POGLUT3: variants seen among roughly 807,000 people sequenced by gnomAD.
POGLUT3 encodes the protein KDEL (Lys-Asp-Glu-Leu) containing 2.
In POGLUT3, 48 loss-of-function variants were observed where a neutral mutation model predicts 54.3. The ratio of observed to expected loss-of-function variants is 0.88; its 90% CI spans 0.70 to 1.12. POGLUT3 has a LOEUF of 1.12. Ranked by LOEUF, POGLUT3 falls within the 50% of genes most tolerant of loss-of-function variation. POGLUT3 has a pLI of 0.00. For synonymous variants in POGLUT3, 218 were observed against 237.4 expected (o/e 0.92, Z 0.75); for missense variants, 629 against 618.7 (o/e 1.02, Z -0.18).
chr11:108,475,464 T>TTG (rs2093579655), intron 7 of POGLUT3, among the ~76,000 whole-genome samples: 1 of 48,548 alleles, frequency 2.1e-5, no homozygotes, highest in Non-Finnish European at 4.4e-5. Flanking sequence ...GTTTTTTTTG[T>TTG]TTTTGTTTTT....
chr11:108,491,674 C>A (rs2093613662), intron 1 of POGLUT3, among the ~76,000 whole-genome samples: 1 of 152,130 alleles, frequency 6.6e-6, no homozygotes, highest in African/African-American at 2.4e-5. Flanking sequence ...CAGGCTTGAG[C>A]CACAGAGCTT....
intron 2 of POGLUT3, 70 bp downstream of exon 2, chr11:108,490,900 G>A (rs2093611854): frequency 8.4e-7 from 1 of 1,189,924 alleles, no homozygotes; most frequent in African/African-American, 1.5e-5. Flanking sequence ...AGGTCATCAG[G>A]TTTAGGCCAT....
rs755418472 is a variant in POGLUT3 at position 108,479,479 on chromosome 11, T to C, written c.1115A>G (p.Asn372Ser). The C allele has an allele frequency of 1.3e-6, 2 of 1,593,762 alleles. No homozygotes were observed. The highest frequency in any genetic ancestry group is 3.8e-5 in the Admixed American group (2 of 52,368). ...FDFFKYKYQV[N>S]VDGTVAAYRY... ...GTAAGCAGCCACGGTCCCATCCACA[T>C]TTACTTGATACTTGTACTGGAAGAT... Residue 372 changes from asparagine to serine, a missense_variant, in exon 6 of 8, where the codon AAT becomes AGT. Physicochemically the swap from Asn to Ser is conservative, Grantham distance 46 (BLOSUM62 1). Coordinates refer to ENST00000323468, the MANE Select transcript of POGLUT3 (RefSeq NM_153705.5).
rs368363744 is a variant in POGLUT3 at position 108,474,943 on chromosome 11, C to G, written c.1408G>C (p.Glu470Gln). Reference sequence around the variant, plus strand: ...ACTTCGGGTTTGCTGGACTGGCGCTCGGCATATTTCTGAAACGTGGGTTTA... The same window carrying G: ...ACTTCGGGTTTGCTGGACTGGCGCTGGGCATATTTCTGAAACGTGGGTTTA... Reference protein sequence around the residue: ...YYYQVLQKYAERQSSKPEVRD... With the variant: ...YYYQVLQKYAQRQSSKPEVRD... The change falls in exon 8 of 8, where the codon GAG becomes CAG. Residue 470 changes from glutamate (E) to glutamine (Q), a missense_variant. Coordinates refer to ENST00000323468, the MANE Select transcript of POGLUT3 (RefSeq NM_153705.5). 2 of 1,613,726 alleles carry G rather than the reference C, an allele frequency of 1.2e-6. No individual in the cohort carries two copies. The highest frequency in any genetic ancestry group is 1.7e-6 in the Non-Finnish European group (2 of 1,179,916).
At chr11:108,491,817 T>C (rs958213476) in intron 1 of POGLUT3, among the ~76,000 whole-genome samples, 2 of 152,262 alleles carry the variant, frequency 1.3e-5, no homozygotes, top group African/African-American at 4.8e-5. Flanking sequence ...TTTGCTTATT[T>C]GGTCTTTCCT....
At chr11:108,483,671 T>A (rs1348638530) in intron 3 of POGLUT3, among the ~76,000 whole-genome samples, 2 of 152,036 alleles carry the variant, frequency 1.3e-5, no homozygotes, top group Non-Finnish European at 2.9e-5. Flanking sequence ...GTCATTATTA[T>A]TATTATTATT....
chr11:108,477,644 G>A lies in POGLUT3; in HGVS notation c.1361C>T (p.Pro454Leu), dbSNP rs1224411796. The A allele has an allele frequency of 6.2e-7, 1 of 1,613,178 alleles. No individual in the cohort carries two copies. The highest frequency in any genetic ancestry group is 8.5e-7 in the Non-Finnish European group (1 of 1,179,184). ...GTAATAGTAGCAGTAAAGCCTGTGT[G>A]GCTGTAGTAGGTCCCTAGCCATCAA... ...GQLMARDLLQ[P>L]HRLYCYYYQV... Residue 454 changes from proline (P) to leucine (L), a missense_variant, in exon 7 of 8, where the codon CCA (proline) becomes CTA (leucine). By Grantham distance (98) the Pro-to-Leu change is moderately conservative (BLOSUM62 -3). Coordinates refer to ENST00000323468, the MANE Select transcript of POGLUT3 (RefSeq NM_153705.5).
intron 2 of POGLUT3, among the ~76,000 whole-genome samples, chr11:108,490,036 G>T (rs1020930013): frequency 1.3e-5 from 2 of 152,086 alleles, no homozygotes; most frequent in African/African-American, 4.8e-5. Context: ...ACAGGTATGT[G>T]CCGCCACACC....
chr11:108,489,680 G>A (rs188665893), intron 2 of POGLUT3, among the ~76,000 whole-genome samples: 17 of 152,264 alleles, frequency 1.1e-4, no homozygotes, highest in Admixed American at 3.3e-4. Context: ...CCAGCACTTT[G>A]GGGAGCCGAG....
At chr11:108,476,166 T>C (rs2093581376) in intron 7 of POGLUT3, among the ~76,000 whole-genome samples, 1 of 151,936 alleles carries the variant, frequency 6.6e-6, no homozygotes, top group Admixed American at 6.6e-5. Flanking sequence ...TGCATTTTGC[T>C]CTTGTTGCCC....
At position 108,477,637 on chromosome 11, in the gene POGLUT3, C is replaced by G. The variant is rs754974501; in HGVS notation, c.1368G>C (p.Arg456Ser). The G allele has an allele frequency of 4.5e-5, 72 of 1,612,450 alleles. No individual in the cohort carries two copies. Among genetic ancestry groups the G allele is most frequent in the Non-Finnish European group, 6.0e-5 (71 of 1,178,660 alleles). The change falls in exon 7 of 8, where the codon AGG (arginine) becomes AGC (serine). Residue 456 changes from arginine to serine, a missense_variant. Physicochemically the swap from Arg to Ser is moderately radical, Grantham distance 110. Coordinates refer to ENST00000323468, the MANE Select transcript of POGLUT3 (RefSeq NM_153705.5). The part of the protein sequence containing the change: ...LMARDLLQPH[R>S]LYCYYYQVLQ... ...GTACTTGGTAATAGTAGCAGTAAAGCCTGTGTGGCTGTAGTAGGTCCCTAG... is the reference window on the plus strand; with the variant it reads ...GTACTTGGTAATAGTAGCAGTAAAGGCTGTGTGGCTGTAGTAGGTCCCTAG...
At chr11:108,476,156 T>A (rs1038606782) in intron 7 of POGLUT3, among the ~76,000 whole-genome samples, 1 of 152,040 alleles carries the variant, frequency 6.6e-6, no homozygotes, top group Admixed American at 6.6e-5. Context: ...TATTTTTAGA[T>A]GCATTTTGCT....
chr11:108,498,352 C>A lies in POGLUT3; in HGVS notation c.15G>T (p.Pro5=). 7.6e-7 allele frequency: 1 copy of A among 1,324,046 alleles called. No homozygotes were observed. Among genetic ancestry groups the A allele is most frequent in the East Asian group, 3.2e-5 (1 of 30,972 alleles). The allele number at this position is 1,324,046 out of a possible 1,614,324, so 82.0% of individuals were successfully genotyped here. Residue 5 remains proline, a synonymous_variant, in exon 1 of 8, where the codon CCG becomes CCT. Coordinates refer to ENST00000323468, the MANE Select transcript of POGLUT3 (RefSeq NM_153705.5). MRRL[P]RALLLQLRLA... is the part of the protein sequence containing the mutation. ...GGCGCAGCTGCAGCAGCAGGGCCCG[C>A]GGGAGGCGGCGCATGGTCGGCGGGG...
intron 2 of POGLUT3, among the ~76,000 whole-genome samples, chr11:108,490,688 G>A (rs1216599288): frequency 6.6e-6 from 1 of 151,768 alleles, no homozygotes; most frequent in African/African-American, 2.4e-5. Flanking sequence ...AATCCTTTAA[G>A]CAGAAGGCAA....
chr11:108,489,310 C>T (rs1282938251), intron 2 of POGLUT3, among the ~76,000 whole-genome samples: 1 of 152,088 alleles, frequency 6.6e-6, no homozygotes, highest in Non-Finnish European at 1.5e-5. Context: ...ATATTTGAAG[C>T]AATAATGGCC....
chr11:108,477,085 A>G (rs550845825), intron 7 of POGLUT3, among the ~76,000 whole-genome samples: 4 of 152,232 alleles, frequency 2.6e-5, no homozygotes, highest in East Asian at 1.9e-4. Context: ...GTCGTTTTAC[A>G]TAATATGGAA....
At chr11:108,484,532 G>A (rs748751892) in intron 3 of POGLUT3, among the ~76,000 whole-genome samples, 15 of 152,134 alleles carry the variant, frequency 9.9e-5, no homozygotes, top group Non-Finnish European at 1.8e-4. Flanking sequence ...AGGCCAAGGC[G>A]GGCAGATTAC....
chr11:108,490,947 T>C (rs1399129276), intron 2 of POGLUT3, 23 bp downstream of exon 2: 1 of 1,591,508 alleles, frequency 6.3e-7, no homozygotes, highest in Non-Finnish European at 8.6e-7. Flanking sequence ...AGGCTGACTC[T>C]GGAGTATATA....
At chr11:108,481,099 T>G in intron 5 of POGLUT3, 81 bp downstream of exon 5, 1 of 1,064,740 alleles carries the variant, frequency 9.4e-7, no homozygotes, top group Non-Finnish European at 1.4e-6. Flanking sequence ...CAGGTGAAAT[T>G]TGCTGAAGCC....
Sources: gnomAD v4.1 joint callset for allele counts (sites outside exome capture counted in the v4.1 genomes callset) on GRCh38, gnomAD v4.1.1 for gene constraint, MANE v1.5 for transcripts, NCBI Gene and HGNC (gene_info 2026-07-23, HGNC 2026-07-21) for gene names.